Variants in DLGAP3 observed in about 807,000 individuals in gnomAD.
DLGAP3 encodes the protein DLG associated protein 3.
Under a neutral mutation model 81.2 loss-of-function variants are expected in DLGAP3, and 17 were observed. That is an observed-to-expected ratio of 0.21 (90% CI 0.14 to 0.31). The LOEUF is 0.31. DLGAP3 is among the 10% of genes least tolerant of loss of function. The pLI is 1.00. For missense variants in DLGAP3, 1,124 were observed against 1,388.0 expected (o/e 0.81, Z 3.02); for synonymous variants, 577 against 587.4 (o/e 0.98, Z 0.26).
intron 8 of DLGAP3, among the ~76,000 whole-genome samples, chr1:34,869,488 T>C (rs1342511595): frequency 4.7e-5 from 7 of 147,972 alleles, no homozygotes; most frequent in Admixed American, 6.7e-5. Flanking sequence ...CAATTTTTTT[T>C]TTTTTTTTTT....
chr1:34,906,016 T>TTATTTATATATA (rs1553123745), intron 2 of DLGAP3, among the ~76,000 whole-genome samples: 2 of 64,804 alleles, frequency 3.1e-5, no homozygotes, highest in African/African-American at 4.6e-5. Context: ...GCCTCTAAAT[T>TTATTTATATATA]TATATATATA....
At chr1:34,874,357 A>T (rs1639020156) in intron 8 of DLGAP3, among the ~76,000 whole-genome samples, 1 of 152,156 alleles carries the variant, frequency 6.6e-6, no homozygotes, top group African/African-American at 2.4e-5. Context: ...AGTCAAACCC[A>T]CTCCTAACTA....
intron 5 of DLGAP3, among the ~76,000 whole-genome samples, chr1:34,897,106 C>T (rs940640183): frequency 2.0e-5 from 3 of 151,116 alleles, no homozygotes; most frequent in African/African-American, 7.3e-5. Flanking sequence ...TAGGCAAATA[C>T]TAAACGAAAA....
chr1:34,876,191 G>C (rs1409159301), intron 8 of DLGAP3, among the ~76,000 whole-genome samples: 1 of 152,146 alleles, frequency 6.6e-6, no homozygotes, highest in Non-Finnish European at 1.5e-5. Context: ...AGAACTGAAG[G>C]GGTGCCAGCC....
At position 34,917,346 on chromosome 1, in the gene DLGAP3, CTTTTTTT is replaced by C. The variant is rs548309308; in HGVS notation, c.-134-9916_-134-9910del. Among the ~76,000 whole-genome samples, 390 of 133,318 alleles carry C rather than the reference CTTTTTTT, an allele frequency of 2.9e-3. 7 individuals carry two copies. Among genetic ancestry groups the C allele is most frequent in the South Asian group, 4.1e-3 (17 of 4,150 alleles). 87.5% of individuals were successfully genotyped at this position (133,318 alleles called of 152,430 possible). ...ATTTCCATCCGATAGATCCTTTTTC[CTTTTTTT>C]TTTTTTTTTTTCGAGATAGGGTTTT... On this transcript the variant is annotated intron_variant, in intron 1 of 11. Coordinates refer to ENST00000373347, the MANE Select transcript of DLGAP3 (RefSeq NM_001080418.3).
At chr1:34,892,971 G>C (rs1639334832) in intron 5 of DLGAP3, among the ~76,000 whole-genome samples, 1 of 151,592 alleles carries the variant, frequency 6.6e-6, no homozygotes, top group Non-Finnish European at 1.5e-5. Flanking sequence ...AGGAGATCGA[G>C]ACCATCCTGG....
Position 34,868,171 on chromosome 1 carries a change from C to A in DLGAP3, c.2485+434G>T, listed in dbSNP as rs1266989636. Among the ~76,000 whole-genome samples the A allele has an allele frequency of 6.6e-6, 1 of 152,184 alleles. No homozygotes were observed. The highest frequency in any genetic ancestry group is 1.5e-5 in the Non-Finnish European group (1 of 68,028). ...TCTCCCTCGGGCCAGGGCCACATCT[C>A]CCTGGCTGAATCTCCCTCTTCTGTG... On this transcript the variant is annotated intron_variant, in intron 9 of 11. Transcript: ENST00000373347. This position sits in a 1 kb window ranked among gnomAD's most constrained non-coding sequence, Gnocchi z 7.5.
intron 1 of DLGAP3, among the ~76,000 whole-genome samples, chr1:34,914,775 C>A (rs565664530): frequency 3.3e-5 from 5 of 152,330 alleles, no homozygotes; most frequent in South Asian, 2.1e-4. Flanking sequence ...GGGAGAGGAT[C>A]TCTAGACAGC....
At chr1:34,871,159 G>GC (rs2148393660) in intron 8 of DLGAP3, among the ~76,000 whole-genome samples, 1 of 152,142 alleles carries the variant, frequency 6.6e-6, no homozygotes, top group East Asian at 1.9e-4. Context: ...CCCTTCCACA[G>GC]CCCCCTACTA....
At chr1:34,919,415 T>C (rs1324936208) in intron 1 of DLGAP3, among the ~76,000 whole-genome samples, 1 of 152,216 alleles carries the variant, frequency 6.6e-6, no homozygotes, top group African/African-American at 2.4e-5. Flanking sequence ...TGATTGGTCC[T>C]GCCTGAGGTT....
intron 1 of DLGAP3, among the ~76,000 whole-genome samples, chr1:34,914,977 G>T (rs542966039): frequency 5.9e-5 from 9 of 152,294 alleles, no homozygotes; most frequent in African/African-American, 2.2e-4. Context: ...CACCTGAGAG[G>T]ACTAGAGGAC....
intron 8 of DLGAP3, among the ~76,000 whole-genome samples, chr1:34,869,480 ATT>A (rs71029050): frequency 4.5e-3 from 310 of 69,284 alleles, no homozygotes; most frequent in Middle Eastern, 0.01. Flanking sequence ...AGATATTTCA[ATT>A]TTTTTTTTTT....
chr1:34,871,021 G>A (rs889340586), intron 8 of DLGAP3, among the ~76,000 whole-genome samples: 3 of 152,064 alleles, frequency 2.0e-5, no homozygotes, highest in Non-Finnish European at 4.4e-5. Context: ...ATAAGTAATT[G>A]CCAAGGTAGT....
At chr1:34,892,144 T>A (rs577742217) in intron 5 of DLGAP3, among the ~76,000 whole-genome samples, 9 of 152,216 alleles carry the variant, frequency 5.9e-5, no homozygotes, top group Admixed American at 4.6e-4. Flanking sequence ...ACTTCATGAA[T>A]ACAAATCACA....
intron 1 of DLGAP3, among the ~76,000 whole-genome samples, chr1:34,918,021 G>A (rs1242640533): frequency 2.0e-5 from 3 of 152,200 alleles, no homozygotes; most frequent in Admixed American, 6.5e-5. Flanking sequence ...GGAGGGAGGG[G>A]GCTCGGAGGC....
chr1:34,883,804 G>C (rs911928312), intron 8 of DLGAP3, among the ~76,000 whole-genome samples: 6 of 151,966 alleles, frequency 3.9e-5, no homozygotes, highest in Admixed American at 2.6e-4. Context: ...AACTTCATCA[G>C]GCACAAACAC....
chr1:34,921,861 G>A (rs1639801092), intron 1 of DLGAP3, among the ~76,000 whole-genome samples: 1 of 152,184 alleles, frequency 6.6e-6, no homozygotes, highest in Non-Finnish European at 1.5e-5. Flanking sequence ...CCCCGTGTTG[G>A]TATAGACACT....
chr1:34,875,993 C>T (rs576816869), intron 8 of DLGAP3, among the ~76,000 whole-genome samples: 224 of 152,378 alleles, frequency 1.5e-3, no homozygotes, highest in Non-Finnish European at 2.4e-4. Context: ...GCCGGCACAG[C>T]GGCTACATCA....
intron 2 of DLGAP3, among the ~76,000 whole-genome samples, chr1:34,906,118 A>T (rs977715571): frequency 1.4e-5 from 2 of 146,824 alleles, no homozygotes; most frequent in Admixed American, 6.8e-5. Flanking sequence ...AAATATTTTT[A>T]TATATACATA....
Sources: gnomAD v4.1 joint callset for allele counts (sites outside exome capture counted in the v4.1 genomes callset) on GRCh38, gnomAD v4.1.1 for gene constraint, Gnocchi (gnomAD v3.1) non-coding constraint, MANE v1.5 for transcripts, NCBI Gene and HGNC (gene_info 2026-07-23, HGNC 2026-07-21) for gene names.